Variants in PCF11 observed in about 807,000 individuals in gnomAD.
PCF11 encodes the protein pre-mRNA cleavage complex 2 protein Pcf11.
In PCF11, 19 loss-of-function variants were observed where a neutral mutation model predicts 166.1. That is an observed-to-expected ratio of 0.11 (90% CI 0.08 to 0.17). The LOEUF (loss-of-function observed/expected upper bound fraction) is 0.17. Among genes scored for constraint, PCF11 ranks in the 10% least tolerant of loss-of-function variants. The pLI, the probability that PCF11 is intolerant of heterozygous loss-of-function variation, is 1.00. For missense variants in PCF11, 1,565 were observed against 1,855.5 expected, an observed-to-expected ratio of 0.84 and a Z score of 2.88; for synonymous variants, 663 against 644.1, an observed-to-expected ratio of 1.03 and a Z score of -0.44.
At chr11:83,163,690 T>C (rs1860344969) in exon 3 of PCF11, 6 of 1,520,932 alleles carry the variant, frequency 3.9e-6, no homozygotes, top group Non-Finnish European at 5.4e-6. Context: ...TGGATGAAAA[T>C]ACTAGGAAAA....
chr11:83,173,158 T>G (rs896419487), intron 9 of PCF11, among the ~76,000 whole-genome samples: 13 of 152,196 alleles, frequency 8.5e-5, no homozygotes, highest in African/African-American at 3.1e-4. Flanking sequence ...GTTTTTTCCC[T>G]CTGTAAACAG....
chr11:83,164,144 T>C (rs1860361745), intron 3 of PCF11, 63 bp from the exon 4 acceptor site: 3 of 1,167,822 alleles, frequency 2.6e-6, no homozygotes, highest in Non-Finnish European at 3.6e-6. Context: ...GCTGATAATT[T>C]TTACTCCCTA....
chr11:83,157,760 C>T, intron 1 of PCF11, 129 bp downstream of exon 1: 1 of 829,686 alleles, frequency 1.2e-6, no homozygotes, highest in Non-Finnish European at 1.9e-6. Flanking sequence ...CACCCCCCTC[C>T]AACTCAGGCT....
chr11:83,161,263 C>A (rs572742909), intron 1 of PCF11, 64 bp from the exon 2 acceptor site: 8 of 1,354,116 alleles, frequency 5.9e-6, no homozygotes, highest in East Asian at 4.7e-5. Context: ...TTTAAAAACT[C>A]ATTTTTAAAT....
chr11:83,167,098 T>C lies in PCF11; in HGVS notation c.1818-27T>C. The C allele has an allele frequency of 1.9e-6, 3 of 1,548,880 alleles. No individual in the cohort carries two copies. The highest frequency in any genetic ancestry group is 2.6e-6 in the Non-Finnish European group (3 of 1,138,306). ...AGTATTTTTTAAAAAAACATTTCAA[T>C]GTAACATACTGCTTTTATGGTTTCA... On this transcript the variant is annotated intron_variant, in intron 5 of 15. Transcript: ENST00000298281. The surrounding 1 kb of genome is among the most constrained non-coding windows in gnomAD (Gnocchi z 4.2).
chr11:83,166,529 T>G, exon 5 of PCF11: 1 of 1,613,890 alleles, frequency 6.2e-7, no homozygotes, highest in South Asian at 1.1e-5. Flanking sequence ...ACAGAAATGC[T>G]AAGAGAAGTA....
chr11:83,179,466 T>C (rs537741993), intron 11 of PCF11, among the ~76,000 whole-genome samples: 2 of 152,202 alleles, frequency 1.3e-5, no homozygotes, highest in Admixed American at 1.3e-4. Context: ...TCCAGGCTGT[T>C]CTCGAACTCC....
chr11:83,177,668 A>C, intron 10 of PCF11, 46 bp from the exon 11 acceptor site: 1 of 951,430 alleles, frequency 1.1e-6, no homozygotes, highest in Non-Finnish European at 1.6e-6. Flanking sequence ...TAGAGAATAC[A>C]TGGAGAATGG....
intron 15 of PCF11, among the ~76,000 whole-genome samples, chr11:83,183,868 C>A (rs772798423): frequency 1.9e-4 from 28 of 151,288 alleles, no homozygotes; most frequent in Non-Finnish European, 3.7e-4. Context: ...TTCAAATGGT[C>A]GGCTGGGCGT....
At chr11:83,180,469 T>G (rs1390127226) in intron 11 of PCF11, 1 of 152,144 alleles carries the variant, frequency 6.6e-6, no homozygotes, top group African/African-American at 2.4e-5. Context: ...TCTTCCCAAA[T>G]AGGGAGCCCA....
At position 83,167,416 on chromosome 11, in the gene PCF11, C is replaced by G; in HGVS notation, c.2003C>G (p.Thr668Arg). The stretch of plus-strand genomic sequence containing the variant: ...TTTCCTTTTATCACCCCTATACAGA[C>G]GAGTGAACGTTTAGCATCTGGTGAA... Residue 668 changes from threonine to arginine, a missense_variant and splice_region_variant, in exon 7 of 16, where the codon ACG (threonine) becomes AGG (arginine). Thr to Arg is a moderately conservative substitution (Grantham distance 71). Coordinates refer to ENST00000298281, the Ensembl canonical transcript of PCF11. This position sits in a 1 kb window ranked among gnomAD's most constrained non-coding sequence, Gnocchi z 4.2. 1 of 1,592,772 alleles carries G rather than the reference C, an allele frequency of 6.3e-7. No homozygotes were observed. Among genetic ancestry groups the G allele is most frequent in the Non-Finnish European group, 8.5e-7 (1 of 1,172,380 alleles).
At chr11:83,183,571 A>G (rs1298824005) in intron 15 of PCF11, among the ~76,000 whole-genome samples, 2 of 151,760 alleles carry the variant, frequency 1.3e-5, no homozygotes, top group African/African-American at 2.4e-5. Flanking sequence ...GCTCACTGCA[A>G]CCTCCACCTC....
chr11:83,167,131 A>G lies in PCF11; in HGVS notation c.1824A>G (p.Gln608=), dbSNP rs1168530130. 3 of 1,610,518 alleles carry G rather than the reference A, an allele frequency of 1.9e-6. No individual in the cohort carries two copies. Among genetic ancestry groups the G allele is most frequent in the Non-Finnish European group, 2.5e-6 (3 of 1,178,062 alleles). ...ACTGCTTTTATGGTTTCAGCTTACA[A>G]CAGGTTGATGAACATAGTAAACCTC... The change falls in exon 6 of 16, where the codon CAA becomes CAG. Residue 608 remains glutamine (Q), a synonymous_variant. Coordinates refer to ENST00000298281, the Ensembl canonical transcript of PCF11. This position sits in a 1 kb window ranked among gnomAD's most constrained non-coding sequence, Gnocchi z 4.2.
chr11:83,157,801 C>T (rs1158467130), intron 1 of PCF11, 170 bp downstream of exon 1: 1 of 630,508 alleles, frequency 1.6e-6, no homozygotes, highest in South Asian at 1.9e-5. Flanking sequence ...GAGCATGGGC[C>T]TCTGGGGGGG....
intron 3 of PCF11, 53 bp from the exon 4 acceptor site, chr11:83,164,154 A>G (rs1056322885): frequency 7.8e-7 from 1 of 1,288,282 alleles, no homozygotes; most frequent in Non-Finnish European, 1.1e-6. Context: ...TTTACTCCCT[A>G]GCTTCCGTTT....
chr11:83,157,253 G>GA (rs1193984381), exon 1 of PCF11: 3 of 597,430 alleles, frequency 5.0e-6, no homozygotes, highest in African/African-American at 3.7e-5. Context: ...GATCACCCGC[G>GA]AGACGGCGGC....
rs779062938 is a variant in PCF11, at chr11:83,167,832, A to G, written c.2092+327A>G. 1 of 1,322,754 alleles carries G rather than the reference A, an allele frequency of 7.6e-7. No individual in the cohort carries two copies. The highest frequency in any genetic ancestry group is 1.2e-5 in the South Asian group (1 of 81,298). The allele number at this position is 1,322,754 out of a possible 1,614,324, so 81.9% of individuals were successfully genotyped here. A position where few individuals can be genotyped will look rare whatever the true frequency, so the allele number is the denominator to read the frequency against. On this transcript the variant is annotated intron_variant, in intron 7 of 15. Transcript: ENST00000298281. This position sits in a 1 kb window ranked among gnomAD's most constrained non-coding sequence, Gnocchi z 4.2. ...TCTTTCTCCTATATCTGGGAGTCGT[A>G]CTTATGCTGAGAATCTTTCACCCCA... is the stretch of plus-strand genomic sequence containing the variant.
chr11:83,170,130 T>C, intron 8 of PCF11, 135 bp downstream of exon 8: 2 of 688,120 alleles, frequency 2.9e-6, no homozygotes, highest in Non-Finnish European at 2.2e-6. Flanking sequence ...AGCCACATGC[T>C]AAGGAAGTGG....
In PCF11 at chr11:83,181,876, T is replaced by C. The variant is rs1565163269; in HGVS notation, c.4190T>C (p.Ile1397Thr). The C allele has an allele frequency of 6.2e-7, 1 of 1,610,930 alleles. No homozygotes were observed. Among genetic ancestry groups the C allele is most frequent in the Non-Finnish European group, 8.5e-7 (1 of 1,178,634 alleles). Residue 1397 changes from isoleucine to threonine, a missense_variant, in exon 13 of 16, where the codon ATA becomes ACA. Ile to Thr is a moderately conservative substitution (Grantham distance 89). Around this residue, in one of 12 missense-constraint regions of PCF11, gnomAD observed 81 missense variants for 141.8 expected, o/e 0.57. Transcript: ENST00000298281. ...AAGGACTGGATAGAATTTGAGGAGATAGCTGATCTGGAAGAACGGGCAAAG... is the reference window on the plus strand; with the variant it reads ...AAGGACTGGATAGAATTTGAGGAGACAGCTGATCTGGAAGAACGGGCAAAG...
Sources: allele counts gnomAD v4.1 joint callset (sites outside exome capture counted in the v4.1 genomes callset), GRCh38; gene constraint gnomAD v4.1.1; regional missense constraint gnomAD v4.1.1; non-coding constraint Gnocchi (gnomAD v3.1); transcripts MANE v1.5; gene names NCBI Gene and HGNC (gene_info 2026-07-23, HGNC 2026-07-21).